SYT1: variants seen among roughly 807,000 people sequenced by gnomAD.
SYT1 encodes the protein synaptotagmin 1.
Under a neutral mutation model 44.8 loss-of-function variants are expected in SYT1, and 8 were observed. The ratio of observed to expected loss-of-function variants is 0.18; its 90% CI spans 0.10 to 0.32. The LOEUF (loss-of-function observed/expected upper bound fraction) is 0.32, where lower values mean the gene tolerates loss of function less well. Ranked by LOEUF, SYT1 falls within the 10% of genes least tolerant of loss-of-function variation. The pLI is 1.00. For synonymous variants in SYT1, 154 were observed against 188.8 expected (o/e 0.82, Z 1.51); for missense variants, 286 against 509.3 (o/e 0.56, Z 4.22).
intron 1 of SYT1, among the ~76,000 whole-genome samples, chr12:78,879,324 A>G (rs1394575888): frequency 1.3e-5 from 2 of 151,748 alleles, no homozygotes; most frequent in African/African-American, 4.8e-5. Flanking sequence ...CAACAATGAT[A>G]TGTGTTTGGT....
intron 9 of SYT1, among the ~76,000 whole-genome samples, chr12:79,357,761 G>A (rs917416021): frequency 4.6e-5 from 7 of 152,118 alleles, no homozygotes; most frequent in Non-Finnish European, 7.4e-5. Context: ...TGCCTTATAC[G>A]TGGAGACAAT....
intron 9 of SYT1, among the ~76,000 whole-genome samples, chr12:79,418,442 C>A (rs1868893727): frequency 6.6e-6 from 1 of 152,074 alleles, no homozygotes; most frequent in Non-Finnish European, 1.5e-5. Context: ...ATTTATGATT[C>A]TTTTAACCAA....
intron 1 of SYT1, among the ~76,000 whole-genome samples, chr12:78,936,530 G>T (rs1878069506): frequency 6.6e-6 from 1 of 151,846 alleles, no homozygotes; most frequent in African/African-American, 2.4e-5. Context: ...TCTTTAAATT[G>T]GGTATTTATA....
intron 10 of SYT1, among the ~76,000 whole-genome samples, chr12:79,447,144 G>C (rs1043104060): frequency 1.3e-5 from 2 of 152,050 alleles, no homozygotes; most frequent in Admixed American, 1.3e-4. Flanking sequence ...GAATACATTA[G>C]ACATGGAAAT....
At position 79,449,583 on chromosome 12, in the gene SYT1, A is replaced by C. The variant is rs1870931538; in HGVS notation, c.*459A>C. 6.4e-6 allele frequency: 1 copy of C among 155,048 alleles called. No homozygotes were observed. The highest frequency in any genetic ancestry group is 2.4e-5 in the African/African-American group (1 of 41,486). The allele number at this position is 155,048 out of a possible 1,614,324, so 9.6% of individuals were successfully genotyped here. On this transcript the variant is annotated 3_prime_UTR_variant, in exon 11 of 11. Transcript: ENST00000261205. The stretch of plus-strand genomic sequence containing the variant: ...ATATAGTATCGTCTGCATTCCAGCA[A>C]AAATATCAACTCGTAAGGCACTAGT...
chr12:79,232,771 G>A (rs1448233029), intron 4 of SYT1, among the ~76,000 whole-genome samples: 1 of 151,992 alleles, frequency 6.6e-6, no homozygotes, highest in Non-Finnish European at 1.5e-5. Context: ...TCATAGGTAG[G>A]CAGAATTATT....
At chr12:79,336,095 T>C (rs1882078674) in intron 8 of SYT1, among the ~76,000 whole-genome samples, 1 of 152,220 alleles carries the variant, frequency 6.6e-6, no homozygotes, top group South Asian at 2.1e-4. Flanking sequence ...CTGCTTTTTC[T>C]CCTGATACAG....
intron 9 of SYT1, among the ~76,000 whole-genome samples, chr12:79,415,924 G>C (rs1349062809): frequency 6.6e-6 from 1 of 152,160 alleles, no homozygotes; most frequent in Non-Finnish European, 1.5e-5. Context: ...CTACCCATTT[G>C]CAACTAGGAT....
intron 8 of SYT1, among the ~76,000 whole-genome samples, chr12:79,300,749 G>A (rs1348710055): frequency 7.1e-6 from 1 of 141,614 alleles, no homozygotes; most frequent in East Asian, 2.2e-4. Context: ...AAAGAGAGCA[G>A]AGCTTAAGTA....
rs117252134 is a variant in SYT1 at position 79,450,550 on chromosome 12, A to G, written c.*1426A>G. 1 of 152,564 alleles carries G rather than the reference A, an allele frequency of 6.6e-6. No individual in the cohort carries two copies. Among genetic ancestry groups the G allele is most frequent in the South Asian group, 2.1e-4 (1 of 4,830 alleles). The allele number at this position is 152,564 out of a possible 1,614,324, so 9.5% of individuals were successfully genotyped here. ...CTATTATGAAGCTACTAGTCATTCC[A>G]TAAGAGTCTTAAAGGACTGCTCTGT... On this transcript the variant is annotated 3_prime_UTR_variant, in exon 11 of 11. Transcript: ENST00000261205.
intron 4 of SYT1, among the ~76,000 whole-genome samples, chr12:79,246,559 T>C (rs1338071905): frequency 6.6e-6 from 1 of 152,198 alleles, no homozygotes; most frequent in Non-Finnish European, 1.5e-5. Context: ...AGGGGCCTGG[T>C]CCTTGCTTCT....
chr12:78,922,357 A>G (rs1877054450), intron 1 of SYT1, among the ~76,000 whole-genome samples: 1 of 151,916 alleles, frequency 6.6e-6, no homozygotes, highest in Non-Finnish European at 1.5e-5. Context: ...CTTCAACCCT[A>G]GGCTTTGCCA....
intron 9 of SYT1, among the ~76,000 whole-genome samples, chr12:79,361,385 A>G (rs189013031): frequency 6.6e-5 from 10 of 152,318 alleles, no homozygotes; most frequent in African/African-American, 1.9e-4. Flanking sequence ...TCAGACTCCA[A>G]TGAATAAAAC....
intron 1 of SYT1, among the ~76,000 whole-genome samples, chr12:78,887,119 A>C (rs746970360): frequency 6.6e-6 from 1 of 152,006 alleles, no homozygotes; most frequent in Admixed American, 6.6e-5. Context: ...AAATGGAAAA[A>C]TTCCAGAAAT....
chr12:79,110,850 C>T (rs993115709), intron 3 of SYT1, among the ~76,000 whole-genome samples: 8 of 152,026 alleles, frequency 5.3e-5, no homozygotes, highest in African/African-American at 1.9e-4. Flanking sequence ...TTATAATATG[C>T]GTTACTTCTT....
At chr12:79,426,610 G>A (rs1869464843) in intron 9 of SYT1, among the ~76,000 whole-genome samples, 4 of 152,034 alleles carry the variant, frequency 2.6e-5, no homozygotes, top group African/African-American at 9.7e-5. Context: ...GTATGATAGC[G>A]ATAATCTAAT....
At chr12:78,946,426 G>A (rs562137182) in intron 1 of SYT1, among the ~76,000 whole-genome samples, 8 of 152,226 alleles carry the variant, frequency 5.3e-5, no homozygotes, top group Admixed American at 2.0e-4. Flanking sequence ...ATGCCTAGGC[G>A]GGTGGATCAC....
intron 4 of SYT1, among the ~76,000 whole-genome samples, chr12:79,252,955 C>G (rs1877302505): frequency 6.6e-6 from 1 of 152,066 alleles, no homozygotes; most frequent in South Asian, 2.1e-4. Flanking sequence ...CATCATATTC[C>G]CACATAGCAA....
At chr12:79,435,846 C>A (rs1465510128) in intron 9 of SYT1, among the ~76,000 whole-genome samples, 1 of 152,146 alleles carries the variant, frequency 6.6e-6, no homozygotes, top group Non-Finnish European at 1.5e-5. Context: ...CCTATAGCAT[C>A]CCTCCCTCTC....
Sources: allele counts gnomAD v4.1 joint callset (sites outside exome capture counted in the v4.1 genomes callset), GRCh38; gene constraint gnomAD v4.1.1; transcripts MANE v1.5; gene names NCBI Gene and HGNC (gene_info 2026-07-23, HGNC 2026-07-21).